The following INTS2 variants were observed in gnomAD, a reference collection of about 807,000 sequenced individuals.
The protein encoded by INTS2 is integrator complex subunit 2.
In INTS2, 57 loss-of-function variants were observed where a neutral mutation model predicts 139.6. The observed-to-expected ratio is 0.41, with a 90% CI of 0.33 to 0.51. The LOEUF (loss-of-function observed/expected upper bound fraction) is 0.51. Among genes scored for constraint, INTS2 ranks in the 20% least tolerant of loss-of-function variants. The probability of loss-of-function intolerance (pLI) is 0.28; values close to 1 mark genes in which losing one functional copy is unlikely to be tolerated. For missense variants in INTS2, 1,196 were observed against 1,436.7 expected (o/e 0.83, Z 2.71); for synonymous variants, 473 against 493.4 (o/e 0.96, Z 0.55).
At chr17:61,896,511 C>T (rs1027961913) in intron 11 of INTS2, among the ~76,000 whole-genome samples, 11 of 151,822 alleles carry the variant, frequency 7.2e-5, no homozygotes, top group Non-Finnish European at 1.2e-4. Flanking sequence ...GTAAAATATA[C>T]GTCTTGAAAT....
intron 15 of INTS2, among the ~76,000 whole-genome samples, chr17:61,887,501 A>G (rs947221493): frequency 2.0e-5 from 3 of 151,222 alleles, no homozygotes; most frequent in African/African-American, 7.3e-5. Context: ...AAAAAAAAAA[A>G]GACTATATGT....
intron 9 of INTS2, among the ~76,000 whole-genome samples, chr17:61,903,072 G>A (rs1453931068): frequency 6.7e-6 from 1 of 149,966 alleles, no homozygotes; most frequent in Non-Finnish European, 1.5e-5. Flanking sequence ...GGCTGAGGCA[G>A]GAGAATGGCG....
intron 5 of INTS2, among the ~76,000 whole-genome samples, chr17:61,917,814 CA>C (rs2079598639): frequency 6.6e-6 from 1 of 151,636 alleles, no homozygotes. Flanking sequence ...AAAATTAAAA[CA>C]AAGGTGACAA....
intron 17 of INTS2, among the ~76,000 whole-genome samples, chr17:61,880,599 A>G (rs1177750528): frequency 6.6e-6 from 1 of 151,972 alleles, no homozygotes; most frequent in East Asian, 1.9e-4. Flanking sequence ...AAAAACTAAA[A>G]AAATCAGCCA....
chr17:61,919,267 T>G (rs1184764521), intron 5 of INTS2, 133 bp downstream of exon 5: 5 of 572,878 alleles, frequency 8.7e-6, no homozygotes, highest in Non-Finnish European at 1.6e-5. Flanking sequence ...TATTTCTTTA[T>G]ACATACTAAC....
At chr17:61,908,697 T>G (rs1356427108) in intron 7 of INTS2, among the ~76,000 whole-genome samples, 1 of 152,184 alleles carries the variant, frequency 6.6e-6, no homozygotes, top group Non-Finnish European at 1.5e-5. Flanking sequence ...AATAAAGGTT[T>G]ATTGAATACA....
chr17:61,924,803 T>C (rs973865633), intron 3 of INTS2, among the ~76,000 whole-genome samples, 158 bp downstream of exon 3: 6 of 152,034 alleles, frequency 3.9e-5, no homozygotes, highest in African/African-American at 1.4e-4. Flanking sequence ...CATTCCAGCT[T>C]GGGCAATAAG....
chr17:61,926,590 G>T lies in INTS2; in HGVS notation c.55C>A (p.Gln19Lys). The stretch of plus-strand genomic sequence containing the variant: ...GCCAGGCAAACAACATCCACCTTCT[G>T]CATTGCCTCAAAAGCAAAAGGGCTG... The part of the protein sequence containing the change: ...FVSPFAFEAM[Q>K]KVDVVCLASL... Residue 19 changes from glutamine to lysine, a missense_variant, in exon 2 of 25, where the codon CAG becomes AAG. By Grantham distance (53) the Gln-to-Lys change is moderately conservative. This residue lies in a region of INTS2 where 36 missense variants were observed against 30.1 expected (regional missense o/e 1.19). Coordinates refer to ENST00000251334, the MANE Select transcript of INTS2 (RefSeq NM_001351695.2). 6.2e-7 allele frequency: 1 copy of T among 1,612,612 alleles called. No individual in the cohort carries two copies. Among genetic ancestry groups the T allele is most frequent in the Non-Finnish European group, 8.5e-7 (1 of 1,179,172 alleles).
chr17:61,874,966 A>C lies in INTS2; in HGVS notation c.2529T>G (p.Asn843Lys). ...KFVRQQKYTQ[N>K]DLMIDPLIVL... Reference sequence around the variant, plus strand: ...CAATGAGAGGATCTATCATCAGGTCATTCTGAGTATACTTTTGTTGTCGTA... The same window carrying C: ...CAATGAGAGGATCTATCATCAGGTCCTTCTGAGTATACTTTTGTTGTCGTA... The change falls in exon 19 of 25, where the codon AAT (asparagine) becomes AAG (lysine). Residue 843 changes from asparagine (N) to lysine (K), a missense_variant. Physicochemically the swap from Asn to Lys is moderately conservative, Grantham distance 94. This residue lies in a region of INTS2 where 1,129 missense variants were observed against 1,341.9 expected (regional missense o/e 0.84). Transcript: ENST00000251334. 2 of 1,598,378 alleles carry C rather than the reference A, an allele frequency of 1.3e-6. No homozygotes were observed. The highest frequency in any genetic ancestry group is 1.7e-6 in the Non-Finnish European group (2 of 1,171,304).
At position 61,926,336 on chromosome 17, in the gene INTS2, TATAAC is replaced by T. The variant is rs1292509201; in HGVS notation, c.293+11_293+15del. On this transcript the variant is annotated intron_variant, in intron 2 of 24. Transcript: ENST00000251334. ...TTGTCAAATCCAAATCCACATATAA[TATAAC>T]ATAACATTACCTAAGCTGCTGTTCT... 22 of 1,556,366 alleles carry T rather than the reference TATAAC, an allele frequency of 1.4e-5. 1 individual carries two copies. The highest frequency in any genetic ancestry group is 2.3e-5 in the East Asian group (1 of 44,154).
chr17:61,910,776 TTA>T (rs1452364386), intron 7 of INTS2: 2 of 152,100 alleles, frequency 1.3e-5, no homozygotes, highest in Non-Finnish European at 2.9e-5. Context: ...ATATAATAAC[TTA>T]TTTCAGTGAT....
Position 61,901,577 on chromosome 17 carries a change from C to CTTTTTTT in INTS2, c.1307+2876_1307+2882dup, listed in dbSNP as rs55751869. Among the ~76,000 whole-genome samples, 21 of 49,454 alleles carry CTTTTTTT rather than the reference C, an allele frequency of 4.2e-4. 5 individuals carry two copies. Among genetic ancestry groups the CTTTTTTT allele is most frequent in the East Asian group, 1.0e-3 (2 of 1,916 alleles). The allele number at this position is 49,454 out of a possible 152,430, so 32.4% of individuals were successfully genotyped here. On this transcript the variant is annotated intron_variant, in intron 9 of 24. Transcript: ENST00000251334. ...CAAATCCTAAAAGGCAGAATGATTT[C>CTTTTTTT]TTTTTTTTTTTTTTTTTTTTTTTTT...
At chr17:61,922,005 T>C (rs1300699219) in intron 3 of INTS2, among the ~76,000 whole-genome samples, 178 bp from the exon 4 acceptor site, 2 of 152,204 alleles carry the variant, frequency 1.3e-5, no homozygotes, top group Non-Finnish European at 2.9e-5. Context: ...AGCAGTCATG[T>C]TAATTATTAT....
At position 61,897,416 on chromosome 17, in the gene INTS2, G is replaced by A. The variant is rs1403900507; in HGVS notation, c.1494+53C>T. The A allele has an allele frequency of 1.9e-6, 2 of 1,038,184 alleles. No individual in the cohort carries two copies. The highest frequency in any genetic ancestry group is 3.3e-5 in the African/African-American group (2 of 61,452). The allele number at this position is 1,038,184 out of a possible 1,614,324, so 64.3% of individuals were successfully genotyped here. ...CAATCTATTTACACTACAACAAAAT[G>A]TCCAGCTTAGAAACACCTTTTTTTT... On this transcript the variant is annotated intron_variant, in intron 11 of 24. Transcript: ENST00000251334. This position sits in a 1 kb window ranked among gnomAD's most constrained non-coding sequence, Gnocchi z 4.4.
At chr17:61,914,724 A>T (rs1046709015) in intron 5 of INTS2, among the ~76,000 whole-genome samples, 1 of 149,686 alleles carries the variant, frequency 6.7e-6, no homozygotes, top group South Asian at 2.1e-4. Context: ...AAAAAAAAAA[A>T]TTATCTGGGC....
In INTS2 at chr17:61,927,776, C is replaced by T; in HGVS notation, c.-141G>A. ...CTAGGCGATATCCGGAACCCCAAAC[C>T]CTAGTTGTGCCTCGAGTCGACTCGG... On this transcript the variant is annotated 5_prime_UTR_variant, in exon 1 of 25. Transcript: ENST00000251334. 6.3e-7 allele frequency: 1 copy of T among 1,584,510 alleles called. No individual in the cohort carries two copies. Among genetic ancestry groups the T allele is most frequent in the South Asian group, 1.2e-5 (1 of 86,510 alleles).
At chr17:61,912,191 A>C in intron 5 of INTS2, 121 bp from the exon 6 acceptor site, 1 of 975,410 alleles carries the variant, frequency 1.0e-6, no homozygotes, top group East Asian at 2.4e-5. Context: ...GCCAAAATGA[A>C]GCAAAAAATG....
chr17:61,881,084 G>A lies in INTS2; in HGVS notation c.2177C>T (p.Thr726Ile). The stretch of plus-strand genomic sequence containing the variant: ...TCGCCGTAGCAGGGCATCAGTCCCT[G>A]TGATTTCTTCTTCACAAATCCAGTC... The part of the protein sequence containing the change: ...VDDWICEEEI[T>I]GTDALLRRML... Residue 726 changes from threonine to isoleucine, a missense_variant, in exon 17 of 25, where the codon ACA becomes ATA. By Grantham distance (89) the Thr-to-Ile change is moderately conservative (BLOSUM62 -1). Transcript: ENST00000251334. 1 of 1,613,540 alleles carries A rather than the reference G, an allele frequency of 6.2e-7. No homozygotes were observed. Among genetic ancestry groups the A allele is most frequent in the Non-Finnish European group, 8.5e-7 (1 of 1,179,466 alleles).
chr17:61,900,853 G>A (rs1337918491), intron 9 of INTS2, among the ~76,000 whole-genome samples: 3 of 152,114 alleles, frequency 2.0e-5, no homozygotes, highest in Non-Finnish European at 4.4e-5. Context: ...AGCTACTCGG[G>A]AGGCTAACAC....
Sources: gnomAD v4.1 joint callset for allele counts (sites outside exome capture counted in the v4.1 genomes callset) on GRCh38, gnomAD v4.1.1 for gene constraint, gnomAD v4.1.1 regional missense constraint, Gnocchi (gnomAD v3.1) non-coding constraint, MANE v1.5 for transcripts, NCBI Gene and HGNC (gene_info 2026-07-23, HGNC 2026-07-21) for gene names.